Variants in DPYD observed in about 807,000 individuals in gnomAD.
The protein encoded by DPYD is dihydropyrimidine dehydrogenase [NADP(+)].
In DPYD, 109 loss-of-function variants were observed where a neutral mutation model predicts 116.2. The observed-to-expected ratio is 0.94, with a 90% CI of 0.80 to 1.10. The LOEUF (loss-of-function observed/expected upper bound fraction) is 1.10, where lower values mean the gene tolerates loss of function less well. Among genes scored for constraint, DPYD ranks in the 50% least tolerant of loss-of-function variants. DPYD has a pLI of 0.00. For missense variants in DPYD, 1,302 were observed against 1,254.5 expected, an observed-to-expected ratio of 1.04 and a Z score of -0.57; for synonymous variants, 440 against 432.0, an observed-to-expected ratio of 1.02 and a Z score of -0.23.
chr1:97,247,341 C>T (rs1264438598), intron 18 of DPYD, among the ~76,000 whole-genome samples: 1 of 152,120 alleles, frequency 6.6e-6, no homozygotes, highest in Non-Finnish European at 1.5e-5. Context: ...CCTAAAGGAA[C>T]TGTAATACTA....
intron 3 of DPYD, among the ~76,000 whole-genome samples, chr1:97,750,334 A>G (rs1030055924): frequency 6.6e-6 from 1 of 152,148 alleles, no homozygotes; most frequent in Non-Finnish European, 1.5e-5. Flanking sequence ...AAATCCATAA[A>G]TAAAATAGGT....
rs1365557158 is a variant in DPYD, at chr1:97,202,508, T to C, written c.2443-9260A>G. Among the ~76,000 whole-genome samples the C allele has an allele frequency of 5.9e-5, 9 of 152,316 alleles. No homozygotes were observed. In the East Asian group the frequency reaches 1.7e-3, roughly 29 times the overall value. On this transcript the variant is annotated intron_variant, in intron 19 of 22. Transcript: ENST00000370192. ...AATAATATGTTTTCAAGGTATATTA[T>C]ACTGAGATCCAAACCACATTTTGCC...
At position 97,281,747 on chromosome 1, in the gene DPYD, G is replaced by A. The variant is rs1351459338; in HGVS notation, c.2299+23512C>T. Among the ~76,000 whole-genome samples, 11 of 152,032 alleles carry A rather than the reference G, an allele frequency of 7.2e-5. No individual in the cohort carries two copies. The East Asian group carries it at 2.1e-3, about 29-fold the overall frequency. ...AGAGGGTTTAACACACATAAGCTAA[G>A]GAACATCCCTAAATAACATCAATTA... is the stretch of plus-strand genomic sequence containing the variant. On this transcript the variant is annotated intron_variant, in intron 18 of 22. Transcript: ENST00000370192.
intron 3 of DPYD, among the ~76,000 whole-genome samples, chr1:97,811,064 T>G (rs1216202981): frequency 6.6e-6 from 1 of 152,188 alleles, no homozygotes; most frequent in Non-Finnish European, 1.5e-5. Flanking sequence ...TCTTAGCCTA[T>G]ATCCACTTAC....
intron 14 of DPYD, among the ~76,000 whole-genome samples, chr1:97,405,600 C>T (rs1395378701): frequency 6.6e-6 from 1 of 152,116 alleles, no homozygotes; most frequent in Non-Finnish European, 1.5e-5. Context: ...ATGGCAACCT[C>T]TGCCTCCCAG....
chr1:97,448,805 G>A (rs1676233790), intron 14 of DPYD, among the ~76,000 whole-genome samples: 1 of 151,660 alleles, frequency 6.6e-6, no homozygotes, highest in African/African-American at 2.4e-5. Flanking sequence ...ATTTTAGACG[G>A]GTCACGATAG....
At chr1:97,602,655 T>C (rs1655331733) in intron 8 of DPYD, among the ~76,000 whole-genome samples, 1 of 151,954 alleles carries the variant, frequency 6.6e-6, no homozygotes, top group East Asian at 1.9e-4. Context: ...TGGCTTTCTT[T>C]ATGGAGATGG....
At position 97,126,453 on chromosome 1, in the gene DPYD, G is replaced by A. The variant is rs146583246; in HGVS notation, c.2623-27821C>T. On this transcript the variant is annotated intron_variant, in intron 20 of 22. Coordinates refer to ENST00000370192, the MANE Select transcript of DPYD (RefSeq NM_000110.4). Reference sequence around the variant, plus strand: ...ATCAAATTCCTTGCAGGCCCCTAATGTTCCATTACATATCATGCCCCTCAG... The same window carrying A: ...ATCAAATTCCTTGCAGGCCCCTAATATTCCATTACATATCATGCCCCTCAG... Among the ~76,000 whole-genome samples, 270 of 152,140 alleles carry A rather than the reference G, an allele frequency of 1.8e-3. 2 individuals carry two copies. The highest frequency in any genetic ancestry group is 6.1e-3 in the African/African-American group (254 of 41,500).
chr1:97,699,424 C>A lies in DPYD; in HGVS notation c.607G>T (p.Ala203Ser). Reference sequence around the variant, plus strand: ...TACCCCAATCGAGCCAAAAAGGAAGCACAACTTATACTTGCAGGCCCAGCA... The same window carrying A: ...TACCCCAATCGAGCCAAAAAGGAAGAACAACTTATACTTGCAGGCCCAGCA... Reference protein sequence around the residue: ...FGAGPASISCASFLARLGYSD... With the variant: ...FGAGPASISCSSFLARLGYSD... Residue 203 changes from alanine to serine, a missense_variant, in exon 6 of 23, where the codon GCT becomes TCT. By Grantham distance (99) the Ala-to-Ser change is moderately conservative. Coordinates refer to ENST00000370192, the MANE Select transcript of DPYD (RefSeq NM_000110.4). The A allele has an allele frequency of 6.2e-7, 1 of 1,613,634 alleles. No homozygotes were observed. Among genetic ancestry groups the A allele is most frequent in the Non-Finnish European group, 8.5e-7 (1 of 1,179,710 alleles).
intron 18 of DPYD, among the ~76,000 whole-genome samples, chr1:97,236,644 T>C (rs1460201737): frequency 6.6e-6 from 1 of 152,062 alleles, no homozygotes; most frequent in Non-Finnish European, 1.5e-5. Context: ...CATGTTGTTA[T>C]ACATTTACAC....
chr1:97,364,074 A>G (rs1160737850), intron 16 of DPYD, among the ~76,000 whole-genome samples: 1 of 152,180 alleles, frequency 6.6e-6, no homozygotes, highest in Non-Finnish European at 1.5e-5. Flanking sequence ...TACAGATATT[A>G]GAAGAGAAAA....
At chr1:97,897,033 C>T (rs564147756) in intron 1 of DPYD, among the ~76,000 whole-genome samples, 2 of 151,946 alleles carry the variant, frequency 1.3e-5, no homozygotes, top group Non-Finnish European at 2.9e-5. Context: ...TTTTTACCTA[C>T]TATTGTTTCC....
intron 3 of DPYD, among the ~76,000 whole-genome samples, chr1:97,816,472 A>G (rs1668613609): frequency 6.6e-6 from 1 of 152,132 alleles, no homozygotes; most frequent in Non-Finnish European, 1.5e-5. Context: ...TATTTTTTCA[A>G]TCGGTAGCAG....
At chr1:97,479,538 G>C (rs1212168434) in intron 13 of DPYD, among the ~76,000 whole-genome samples, 3 of 152,096 alleles carry the variant, frequency 2.0e-5, no homozygotes, top group Non-Finnish European at 2.9e-5. Flanking sequence ...TGTAACAGAT[G>C]ACCCTAACAG....
At chr1:97,626,351 T>C (rs532722367) in intron 8 of DPYD, among the ~76,000 whole-genome samples, 1 of 152,170 alleles carries the variant, frequency 6.6e-6, no homozygotes, top group South Asian at 2.1e-4. Flanking sequence ...AATATTCAGT[T>C]ACTTCAACTA....
At chr1:97,530,978 C>T (rs532372845) in intron 12 of DPYD, among the ~76,000 whole-genome samples, 4 of 151,840 alleles carry the variant, frequency 2.6e-5, no homozygotes, top group Non-Finnish European at 4.4e-5. Flanking sequence ...AAATATTTTG[C>T]TATTGAATTT....
chr1:97,273,932 T>G (rs911915716), intron 18 of DPYD, among the ~76,000 whole-genome samples: 1 of 152,178 alleles, frequency 6.6e-6, no homozygotes, highest in Non-Finnish European at 1.5e-5. Context: ...ATCATTTCAA[T>G]TTTCCTCTTG....
rs189891963 is a variant in DPYD at position 97,602,802 on chromosome 1, C to T, written c.851-7636G>A. Among the ~76,000 whole-genome samples the T allele has an allele frequency of 7.3e-3, 1,110 of 151,706 alleles. 14 individuals are homozygous for T. The highest frequency in any genetic ancestry group is 0.026 in the African/African-American group (1,058 of 41,438). On this transcript the variant is annotated intron_variant, in intron 8 of 22. Transcript: ENST00000370192. ...CCCTTTGGACAAAAAAAAGAAGTAC[C>T]TTTTTCTTCATTATTATTTTATAAT...
chr1:97,415,656 T>G (rs1674251783), intron 14 of DPYD, among the ~76,000 whole-genome samples: 1 of 152,186 alleles, frequency 6.6e-6, no homozygotes, highest in South Asian at 2.1e-4. Context: ...CTATGCTTCC[T>G]GAGTTGTCCA....
Sources: allele counts gnomAD v4.1 joint callset (sites outside exome capture counted in the v4.1 genomes callset), GRCh38; gene constraint gnomAD v4.1.1; transcripts MANE v1.5; gene names NCBI Gene and HGNC (gene_info 2026-07-23, HGNC 2026-07-21).